WDHD1: variants seen among roughly 807,000 people sequenced by gnomAD.
WDHD1 encodes the protein WD repeat and HMG-box DNA binding protein 1.
In WDHD1, 111 loss-of-function variants were observed where a neutral mutation model predicts 135.4. The ratio of observed to expected loss-of-function variants is 0.82; its 90% CI spans 0.70 to 0.96. The LOEUF is 0.96. Ranked by LOEUF, WDHD1 falls within the 40% of genes least tolerant of loss-of-function variation. WDHD1 has a pLI of 0.00. For missense variants in WDHD1, 1,351 were observed against 1,336.3 expected, an observed-to-expected ratio of 1.01 and a Z score of -0.17; for synonymous variants, 434 against 439.0, an observed-to-expected ratio of 0.99 and a Z score of 0.14.
At chr14:55,014,465 C>A (rs772692841) in intron 2 of WDHD1, among the ~76,000 whole-genome samples, 1 of 152,210 alleles carries the variant, frequency 6.6e-6, no homozygotes, top group Non-Finnish European at 1.5e-5. Context: ...GGGACCGTAT[C>A]TTCCTTGTCC....
At chr14:54,979,525 C>T (rs1416663918) in intron 16 of WDHD1, among the ~76,000 whole-genome samples, 5 of 152,108 alleles carry the variant, frequency 3.3e-5, no homozygotes, top group Non-Finnish European at 5.9e-5. Context: ...CCATGCCCAC[C>T]CCAATCTGGA....
At chr14:54,951,287 T>C (rs1404405453) in intron 24 of WDHD1, among the ~76,000 whole-genome samples, 1 of 151,378 alleles carries the variant, frequency 6.6e-6, no homozygotes. Flanking sequence ...AAGAATCAAA[T>C]AGATGCAATA....
chr14:54,951,150 A>G (rs1440081330), intron 24 of WDHD1, among the ~76,000 whole-genome samples: 1 of 152,166 alleles, frequency 6.6e-6, no homozygotes, highest in African/African-American at 2.4e-5. Context: ...CTGAGATCAG[A>G]GCAGAACTGA....
At chr14:55,014,857 A>C (rs1414676999) in intron 2 of WDHD1, among the ~76,000 whole-genome samples, 2 of 152,186 alleles carry the variant, frequency 1.3e-5, no homozygotes, top group African/African-American at 4.8e-5. Flanking sequence ...TCAAAGAACA[A>C]GCAGGACTAG....
chr14:54,995,115 G>A (rs2041855704), intron 11 of WDHD1, among the ~76,000 whole-genome samples: 1 of 152,110 alleles, frequency 6.6e-6, no homozygotes. Flanking sequence ...CTGAGTAGCT[G>A]GGATTACAGG....
intron 24 of WDHD1, among the ~76,000 whole-genome samples, chr14:54,948,436 A>G (rs545484967): frequency 2.0e-5 from 3 of 152,314 alleles, no homozygotes; most frequent in South Asian, 4.1e-4. Context: ...TCCCATGCCC[A>G]TGGAGCCTCA....
chr14:55,011,835 C>T (rs1455661785), intron 3 of WDHD1, among the ~76,000 whole-genome samples: 4 of 151,908 alleles, frequency 2.6e-5, no homozygotes, highest in Admixed American at 1.3e-4. Context: ...TATGGCTCCA[C>T]CAAAATTTAT....
At chr14:54,976,966 C>A (rs1356310768) in intron 16 of WDHD1, among the ~76,000 whole-genome samples, 3 of 151,880 alleles carry the variant, frequency 2.0e-5, no homozygotes, top group Non-Finnish European at 4.4e-5. Flanking sequence ...GTATAAGATT[C>A]CCCTCAGTAA....
intron 2 of WDHD1, among the ~76,000 whole-genome samples, chr14:55,026,164 A>G (rs1016005515): frequency 6.6e-6 from 1 of 152,234 alleles, no homozygotes; most frequent in Non-Finnish European, 1.5e-5. Flanking sequence ...TATTTTTTCA[A>G]TGAATCAATC....
chr14:54,941,329 G>A lies in WDHD1; in HGVS notation c.*161C>T. On this transcript the variant is annotated 3_prime_UTR_variant, in exon 26 of 26. Transcript: ENST00000360586. ...AGATGATAGTTTTTACATATGTCCT[G>A]TTACCTACACCAATATAATTACTAC... The A allele has an allele frequency of 1.8e-6, 1 of 559,008 alleles. No homozygotes were observed. The highest frequency in any genetic ancestry group is 2.9e-6 in the Non-Finnish European group (1 of 344,544). 34.6% of individuals were successfully genotyped at this position (559,008 alleles called of 1,614,324 possible).
At chr14:54,987,642 T>C (rs1455425037) in intron 13 of WDHD1, among the ~76,000 whole-genome samples, 7 of 152,116 alleles carry the variant, frequency 4.6e-5, no homozygotes, top group Non-Finnish European at 4.4e-5. Flanking sequence ...TTTTTTGAAA[T>C]GGAGTTTTGC....
intron 16 of WDHD1, among the ~76,000 whole-genome samples, chr14:54,974,597 C>T (rs1220294010): frequency 3.3e-5 from 5 of 151,396 alleles, no homozygotes; most frequent in East Asian, 3.9e-4. Flanking sequence ...GAGCCAAGGC[C>T]GGCAGATCAC....
chr14:54,965,955 TAAAA>T (rs11338389), intron 18 of WDHD1, among the ~76,000 whole-genome samples: 1 of 129,430 alleles, frequency 7.7e-6, no homozygotes, highest in African/African-American at 2.7e-5. Flanking sequence ...AAACTCCGCC[TAAAA>T]AAAAAAAAAG....
intron 21 of WDHD1, 43 bp downstream of exon 21, chr14:54,962,455 T>C: frequency 1.3e-6 from 2 of 1,498,054 alleles, no homozygotes; most frequent in Non-Finnish European, 1.9e-6. Context: ...GCAGATGACT[T>C]GCAAAATTTC....
At position 55,008,270 on chromosome 14, in the gene WDHD1, T is replaced by C. The variant is rs1362815338; in HGVS notation, c.504+46A>G. On this transcript the variant is annotated intron_variant, in intron 6 of 25. Transcript: ENST00000360586. ...CAGTAATACGACATATAACAATTTATTACAGAAATGGGCAAAAAACTTTAA... is the reference window on the plus strand; with the variant it reads ...CAGTAATACGACATATAACAATTTACTACAGAAATGGGCAAAAAACTTTAA... 5 of 1,581,888 alleles carry C rather than the reference T, an allele frequency of 3.2e-6. No homozygotes were observed. The African/African-American group carries it at 6.8e-5, about 21-fold the overall frequency.
chr14:54,960,039 T>C (rs969727409), intron 21 of WDHD1, among the ~76,000 whole-genome samples: 1 of 152,172 alleles, frequency 6.6e-6, no homozygotes, highest in Admixed American at 6.5e-5. Flanking sequence ...CTTTACGCCC[T>C]GAACTCCTAC....
intron 16 of WDHD1, among the ~76,000 whole-genome samples, chr14:54,969,268 C>T (rs930610563): frequency 4.0e-5 from 6 of 151,320 alleles, no homozygotes; most frequent in East Asian, 1.9e-4. Context: ...CCTTGTGATC[C>T]GCCCGCCTAT....
intron 2 of WDHD1, among the ~76,000 whole-genome samples, chr14:55,014,146 G>T (rs1282689179): frequency 3.9e-5 from 6 of 152,196 alleles, no homozygotes; most frequent in African/African-American, 1.2e-4. Context: ...CTGTTGCCTA[G>T]GCAGTATCAT....
intron 2 of WDHD1, among the ~76,000 whole-genome samples, chr14:55,019,834 A>T (rs2042317012): frequency 6.6e-6 from 1 of 152,204 alleles, no homozygotes; most frequent in African/African-American, 2.4e-5. Context: ...GTGCCACTGC[A>T]CTCCAGCCTG....
Sources: gnomAD v4.1 joint callset for allele counts (sites outside exome capture counted in the v4.1 genomes callset) on GRCh38, gnomAD v4.1.1 for gene constraint, MANE v1.5 for transcripts, NCBI Gene and HGNC (gene_info 2026-07-23, HGNC 2026-07-21) for gene names.